The following NRG1 variants were observed in gnomAD, a reference collection of about 807,000 sequenced individuals.
The protein encoded by NRG1 is pro-neuregulin-1, membrane-bound isoform.
Under a neutral mutation model 63.8 loss-of-function variants are expected in NRG1, and 18 were observed. That is an observed-to-expected ratio of 0.28 (90% CI 0.19 to 0.42). NRG1 has a LOEUF of 0.42. Among genes scored for constraint, NRG1 ranks in the 10% least tolerant of loss-of-function variants. NRG1 has a pLI of 1.00. For synonymous variants in NRG1, 302 were observed against 301.3 expected (o/e 1.00, Z -0.02); for missense variants, 762 against 814.7 (o/e 0.94, Z 0.79).
intron 5 of NRG1, among the ~76,000 whole-genome samples, chr8:32,622,674 C>CA (rs1248623465): frequency 6.6e-6 from 1 of 152,154 alleles, no homozygotes; most frequent in Non-Finnish European, 1.5e-5. Flanking sequence ...GAATTGCAGG[C>CA]ATAAGCCACC....
At chr8:32,026,757 C>CT (rs1451146956) in intron 1 of NRG1, among the ~76,000 whole-genome samples, 2 of 152,014 alleles carry the variant, frequency 1.3e-5, no homozygotes. Context: ...ATTTACTTAG[C>CT]TTTTTTTCAG....
At chr8:31,725,171 C>T (rs907307871) in intron 1 of NRG1, among the ~76,000 whole-genome samples, 2 of 152,174 alleles carry the variant, frequency 1.3e-5, no homozygotes, top group African/African-American at 4.8e-5. Context: ...CTGCAATTCA[C>T]TAGCCTTTCT....
chr8:32,553,206 T>A (rs544255973), intron 1 of NRG1, among the ~76,000 whole-genome samples: 43 of 152,262 alleles, frequency 2.8e-4, no homozygotes, highest in Admixed American at 2.6e-3. Flanking sequence ...ATTATTATTA[T>A]CATGAGGGTT....
At chr8:32,523,979 C>CT (rs1413950945) in intron 1 of NRG1, among the ~76,000 whole-genome samples, 1 of 151,948 alleles carries the variant, frequency 6.6e-6, no homozygotes, top group African/African-American at 2.4e-5. Flanking sequence ...ACTGGCTCCA[C>CT]TTGGTGTCCT....
rs537448848 is a variant in NRG1, at chr8:31,947,033, G to A, written c.37+307602G>A. On this transcript the variant is annotated intron_variant, in intron 1 of 10. Coordinates refer to the NRG1 transcript ENST00000519301. ...AGAATGGATATGGCCGGGCGCGGTGGCTCACGCCTGTAATCCCAGCCCTTT... is the reference window on the plus strand; with the variant it reads ...AGAATGGATATGGCCGGGCGCGGTGACTCACGCCTGTAATCCCAGCCCTTT... Among the ~76,000 whole-genome samples the A allele has an allele frequency of 9.2e-5, 14 of 152,268 alleles. No homozygotes were observed. The East Asian group carries it at 2.7e-3, about 29-fold the overall frequency.
intron 5 of NRG1, among the ~76,000 whole-genome samples, chr8:32,703,740 G>A (rs933737844): frequency 6.6e-6 from 1 of 152,154 alleles, no homozygotes; most frequent in Admixed American, 6.5e-5. Flanking sequence ...TTCACAACAT[G>A]TATGGTCTAT....
chr8:32,040,850 C>T (rs1586672620), intron 1 of NRG1, among the ~76,000 whole-genome samples: 1 of 142,552 alleles, frequency 7.0e-6, no homozygotes, highest in East Asian at 2.1e-4. Context: ...TATTTTAGCA[C>T]TAAAATTCTT....
chr8:31,845,043 G>A (rs1328182857), intron 1 of NRG1, among the ~76,000 whole-genome samples: 1 of 152,004 alleles, frequency 6.6e-6, no homozygotes, highest in Non-Finnish European at 1.5e-5. Flanking sequence ...GGAGGCGGAG[G>A]TTGCAGTGAG....
chr8:32,684,427 G>T (rs1386540025), intron 5 of NRG1, among the ~76,000 whole-genome samples: 1 of 151,976 alleles, frequency 6.6e-6, no homozygotes, highest in Non-Finnish European at 1.5e-5. Context: ...AGAGTGGTAG[G>T]GAAAAAAGTG....
intron 1 of NRG1, among the ~76,000 whole-genome samples, chr8:32,184,717 T>C (rs1841799422): frequency 6.6e-6 from 1 of 152,216 alleles, no homozygotes; most frequent in Admixed American, 6.5e-5. Context: ...TGTTCCATTA[T>C]AGTGTATCAT....
At chr8:32,295,413 T>C (rs1854722062) in intron 1 of NRG1, among the ~76,000 whole-genome samples, 1 of 152,138 alleles carries the variant, frequency 6.6e-6, no homozygotes, top group Non-Finnish European at 1.5e-5. Context: ...GTAGGAAAAT[T>C]GCTTTACAAT....
chr8:32,545,452 A>T (rs1044791737), upstream of NRG1, among the ~76,000 whole-genome samples: 1 of 151,322 alleles, frequency 6.6e-6, no homozygotes, highest in African/African-American at 2.4e-5. Context: ...AAGATATGTC[A>T]TCATTTCTAA....
At chr8:32,423,530 A>T (rs774180471) in intron 1 of NRG1, among the ~76,000 whole-genome samples, 13 of 152,160 alleles carry the variant, frequency 8.5e-5, no homozygotes, top group Non-Finnish European at 1.3e-4. Context: ...CAGTGGTCCC[A>T]GCTACCCGAG....
chr8:31,848,121 G>A (rs1826862636), intron 1 of NRG1, among the ~76,000 whole-genome samples: 1 of 152,126 alleles, frequency 6.6e-6, no homozygotes, highest in African/African-American at 2.4e-5. Context: ...GGGAAGGCCG[G>A]TAATTCAGGA....
intron 1 of NRG1, among the ~76,000 whole-genome samples, chr8:32,514,857 G>A (rs1412289530): frequency 7.2e-6 from 1 of 139,134 alleles, no homozygotes; most frequent in Non-Finnish European, 1.5e-5. Context: ...AGATTCAGGG[G>A]GTACATGTGT....
At chr8:32,446,057 C>G in intron 1 of NRG1, among the ~76,000 whole-genome samples, 1 of 152,152 alleles carries the variant, frequency 6.6e-6, no homozygotes, top group South Asian at 2.1e-4. Flanking sequence ...TTGTTAAATT[C>G]TGGACTAAAC....
rs145355313 is a variant in NRG1 at position 32,424,407 on chromosome 8, G to A, written c.38-171421G>A. On this transcript the variant is annotated intron_variant, in intron 1 of 10. Transcript: ENST00000519301. ...TGTTTAGAAAAGGTAATCTTTTTGG[G>A]GTTCAATGAGATCAAAAGCACGGAT... Among the ~76,000 whole-genome samples the A allele has an allele frequency of 1.9e-3, 296 of 152,212 alleles. 1 individual carries two copies. Among genetic ancestry groups the A allele is most frequent in the African/African-American group, 6.7e-3 (280 of 41,524 alleles).
At chr8:32,710,133 T>G (rs1817443881) in intron 5 of NRG1, among the ~76,000 whole-genome samples, 1 of 152,200 alleles carries the variant, frequency 6.6e-6, no homozygotes, top group African/African-American at 2.4e-5. Context: ...TAACTTTTAA[T>G]TAAGGAGTGC....
At chr8:31,876,229 A>G (rs1399121985) in intron 1 of NRG1, among the ~76,000 whole-genome samples, 1 of 152,210 alleles carries the variant, frequency 6.6e-6, no homozygotes, top group Non-Finnish European at 1.5e-5. Flanking sequence ...ATGACTTAAG[A>G]TCACTGACCA....
Sources: allele counts gnomAD v4.1 joint callset (sites outside exome capture counted in the v4.1 genomes callset), GRCh38; gene constraint gnomAD v4.1.1; transcripts MANE v1.5; gene names NCBI Gene and HGNC (gene_info 2026-07-23, HGNC 2026-07-21).